CDH13: variants seen among roughly 807,000 people sequenced by gnomAD.
The protein encoded by CDH13 is cadherin-13.
Under a neutral mutation model 63.8 loss-of-function variants are expected in CDH13, and 24 were observed. The ratio of observed to expected loss-of-function variants is 0.38; its 90% CI spans 0.27 to 0.53. CDH13 has a LOEUF of 0.53. CDH13 is among the 20% of genes least tolerant of loss of function. The probability of loss-of-function intolerance (pLI) is 0.85; values close to 1 mark genes in which losing one functional copy is unlikely to be tolerated. For synonymous variants in CDH13, 503 were observed against 355.3 expected, an observed-to-expected ratio of 1.42 and a Z score of -4.67; for missense variants, 1,049 against 903.1, an observed-to-expected ratio of 1.16 and a Z score of -2.07.
chr16:82,957,874 T>C (rs1482690753), intron 2 of CDH13, among the ~76,000 whole-genome samples: 2 of 152,230 alleles, frequency 1.3e-5, no homozygotes, highest in East Asian at 3.8e-4. Flanking sequence ...ATTGCTTCTT[T>C]TGGAGACATG....
intron 8 of CDH13, among the ~76,000 whole-genome samples, chr16:83,664,590 G>C (rs146690893): frequency 0.014 from 2,058 of 151,476 alleles, 26 homozygotes; most frequent in Non-Finnish European, 0.02. Context: ...AACATGATGT[G>C]GAGGCTGAAT....
intron 7 of CDH13, among the ~76,000 whole-genome samples, chr16:83,564,895 C>G (rs2075766361): frequency 1.3e-5 from 2 of 152,186 alleles, no homozygotes; most frequent in Non-Finnish European, 2.9e-5. Flanking sequence ...GCAGTAAATG[C>G]TGTAAACTGT....
chr16:83,148,102 T>G (rs970285434), intron 4 of CDH13, among the ~76,000 whole-genome samples: 2 of 152,198 alleles, frequency 1.3e-5, no homozygotes, highest in African/African-American at 4.8e-5. Flanking sequence ...CACGCCTGGC[T>G]AATTTTTGTA....
chr16:83,346,633 T>A (rs1213982270), intron 6 of CDH13, among the ~76,000 whole-genome samples: 1 of 152,180 alleles, frequency 6.6e-6, no homozygotes, highest in African/African-American at 2.4e-5. Context: ...GTGTCCAATT[T>A]TCCTCCCACT....
intron 6 of CDH13, among the ~76,000 whole-genome samples, chr16:83,412,818 G>A (rs1455555096): frequency 1.3e-5 from 2 of 152,208 alleles, no homozygotes; most frequent in East Asian, 3.9e-4. Context: ...GGACATCTTT[G>A]AACCCAGGGC....
chr16:83,364,987 G>C (rs933635290), intron 6 of CDH13, among the ~76,000 whole-genome samples: 9 of 152,104 alleles, frequency 5.9e-5, no homozygotes, highest in Admixed American at 5.9e-4. Flanking sequence ...CCAGGTGTTG[G>C]GTTGATAGGT....
chr16:83,083,390 A>G (rs1176006628), intron 3 of CDH13, among the ~76,000 whole-genome samples: 1 of 152,220 alleles, frequency 6.6e-6, no homozygotes, highest in African/African-American at 2.4e-5. Flanking sequence ...GAGAGCTATA[A>G]AGAAGGCAAA....
chr16:83,002,233 C>G (rs1044471918), intron 2 of CDH13, among the ~76,000 whole-genome samples: 1 of 152,150 alleles, frequency 6.6e-6, no homozygotes, highest in African/African-American at 2.4e-5. Context: ...TGGGTGAGCC[C>G]TAAATCCATT....
chr16:83,391,439 C>T (rs113774056), intron 6 of CDH13, among the ~76,000 whole-genome samples: 2 of 151,990 alleles, frequency 1.3e-5, no homozygotes, highest in Admixed American at 6.5e-5. Flanking sequence ...CTCCCGACCT[C>T]GTGATCCGCC....
chr16:82,769,812 T>C (rs2035194422), intron 1 of CDH13, among the ~76,000 whole-genome samples: 1 of 152,230 alleles, frequency 6.6e-6, no homozygotes, highest in South Asian at 2.1e-4. Flanking sequence ...CGGAATGCAT[T>C]GCAATTAAAA....
intron 7 of CDH13, among the ~76,000 whole-genome samples, chr16:83,549,943 C>A (rs1430040895): frequency 2.6e-5 from 4 of 152,196 alleles, no homozygotes; most frequent in Non-Finnish European, 4.4e-5. Flanking sequence ...GTCTTTCCCA[C>A]TCGTCTTGCT....
At chr16:83,717,370 C>T (rs761467446) in intron 10 of CDH13, among the ~76,000 whole-genome samples, 24 of 152,186 alleles carry the variant, frequency 1.6e-4, no homozygotes, top group Admixed American at 3.3e-4. Context: ...TATTTTCCAT[C>T]TTCTCCCATT....
At chr16:83,677,231 G>A (rs980856869) in intron 9 of CDH13, among the ~76,000 whole-genome samples, 8 of 152,118 alleles carry the variant, frequency 5.3e-5, no homozygotes, top group African/African-American at 7.2e-5. Context: ...AATTGGCAGC[G>A]CCATTGTATT....
At chr16:82,679,489 G>C (rs1010971339) in intron 1 of CDH13, among the ~76,000 whole-genome samples, 3 of 152,178 alleles carry the variant, frequency 2.0e-5, no homozygotes, top group African/African-American at 7.2e-5. Flanking sequence ...AGAGCAGGTA[G>C]AAAAATAACG....
intron 3 of CDH13, among the ~76,000 whole-genome samples, chr16:83,045,384 A>G (rs1373872333): frequency 1.3e-5 from 2 of 152,098 alleles, no homozygotes; most frequent in Non-Finnish European, 2.9e-5. Context: ...CAAACCTGTA[A>G]TCCTAGCACT....
intron 5 of CDH13, among the ~76,000 whole-genome samples, chr16:83,291,348 C>G (rs1167358455): frequency 1.3e-5 from 2 of 152,010 alleles, no homozygotes; most frequent in Admixed American, 6.6e-5. Context: ...TCTCATTCAA[C>G]TTTTCAGCTT....
At chr16:82,883,452 T>C (rs962997174) in intron 2 of CDH13, among the ~76,000 whole-genome samples, 3 of 152,176 alleles carry the variant, frequency 2.0e-5, no homozygotes, top group Admixed American at 1.3e-4. Context: ...TGGTTCACAA[T>C]GAGTATGATC....
At chr16:83,281,184 C>T (rs970158131) in intron 5 of CDH13, among the ~76,000 whole-genome samples, 3 of 152,356 alleles carry the variant, frequency 2.0e-5, no homozygotes, top group East Asian at 3.9e-4. Context: ...CTTTCATCAA[C>T]GATCTTAGCT....
chr16:83,670,445 C>T (rs1487876875), intron 8 of CDH13, among the ~76,000 whole-genome samples: 1 of 152,210 alleles, frequency 6.6e-6, no homozygotes, highest in Non-Finnish European at 1.5e-5. Flanking sequence ...TAGCTCCCTG[C>T]TTCCCTGGGG....
Sources: allele counts gnomAD v4.1 joint callset (sites outside exome capture counted in the v4.1 genomes callset), GRCh38; gene constraint gnomAD v4.1.1; transcripts MANE v1.5; gene names NCBI Gene and HGNC (gene_info 2026-07-23, HGNC 2026-07-21).